KATNAL1: variants seen among roughly 807,000 people sequenced by gnomAD.
KATNAL1 encodes the protein katanin catalytic subunit A1 like 1, also known as katanin p60 ATPase-containing subunit A-like 1.
Under a neutral mutation model 55.2 loss-of-function variants are expected in KATNAL1, and 32 were observed. That is an observed-to-expected ratio of 0.58 (90% CI 0.44 to 0.78). The LOEUF (loss-of-function observed/expected upper bound fraction) is 0.78. KATNAL1 is among the 30% of genes least tolerant of loss of function. KATNAL1 has a pLI of 0.00. For missense variants in KATNAL1, 466 were observed against 600.9 expected, an observed-to-expected ratio of 0.78 and a Z score of 2.35; for synonymous variants, 193 against 193.6, an observed-to-expected ratio of 1.00 and a Z score of 0.02.
chr13:30,264,240 G>A (rs1207129577), intron 3 of KATNAL1, among the ~76,000 whole-genome samples: 7 of 148,930 alleles, frequency 4.7e-5, no homozygotes, highest in Non-Finnish European at 1.5e-5. Flanking sequence ...ATGGATTAAA[G>A]ACTTAAATGT....
At chr13:30,277,258 A>G (rs1375808406) in intron 3 of KATNAL1, among the ~76,000 whole-genome samples, 3 of 152,216 alleles carry the variant, frequency 2.0e-5, no homozygotes, top group African/African-American at 4.8e-5. Flanking sequence ...GTAGTCCTTT[A>G]TTTCAGAGGT....
At chr13:30,220,439 C>A (rs1874732182) in intron 9 of KATNAL1, among the ~76,000 whole-genome samples, 1 of 151,754 alleles carries the variant, frequency 6.6e-6, no homozygotes, top group Non-Finnish European at 1.5e-5. Flanking sequence ...CCAACCTGGG[C>A]AACAGAGCAA....
At chr13:30,274,495 G>T (rs979595923) in intron 3 of KATNAL1, among the ~76,000 whole-genome samples, 1 of 152,042 alleles carries the variant, frequency 6.6e-6, no homozygotes, top group Non-Finnish European at 1.5e-5. Flanking sequence ...ATTGCCCTTG[G>T]TTCTTGAGAA....
At chr13:30,296,596 A>G (rs1882513116) in intron 1 of KATNAL1, 1 of 723,654 alleles carries the variant, frequency 1.4e-6, no homozygotes, top group Non-Finnish European at 2.6e-6. Context: ...CGCTCATTGG[A>G]TGAGGCTCTG....
intron 9 of KATNAL1, among the ~76,000 whole-genome samples, chr13:30,222,727 G>C (rs1331452635): frequency 6.6e-6 from 1 of 152,178 alleles, no homozygotes; most frequent in Non-Finnish European, 1.5e-5. Context: ...AGTACAAATA[G>C]CAAGATGGCA....
intron 1 of KATNAL1, among the ~76,000 whole-genome samples, chr13:30,301,110 G>A (rs760900640): frequency 2.0e-5 from 3 of 152,208 alleles, no homozygotes; most frequent in Non-Finnish European, 2.9e-5. Flanking sequence ...GCTCACGCCT[G>A]TAATCCCAGC....
rs1401686864 is a variant in KATNAL1 at position 30,206,389 on chromosome 13, C to T, written c.*2151G>A. 2 of 151,978 alleles carry T rather than the reference C, an allele frequency of 1.3e-5. No individual in the cohort carries two copies. Among genetic ancestry groups the T allele is most frequent in the African/African-American group, 2.4e-5 (1 of 41,370 alleles). The allele number at this position is 151,978 out of a possible 1,614,324, so 9.4% of individuals were successfully genotyped here. The stretch of plus-strand genomic sequence containing the variant: ...TAAGATATACAAAGCATCTACCATC[C>T]ACTGACAGGGCAAAATGAGAAACAA... On this transcript the variant is annotated 3_prime_UTR_variant, in exon 11 of 11. Coordinates refer to ENST00000380615, the MANE Select transcript of KATNAL1 (RefSeq NM_032116.5).
intron 7 of KATNAL1, among the ~76,000 whole-genome samples, chr13:30,230,834 G>C (rs1876027817): frequency 6.6e-6 from 1 of 152,076 alleles, no homozygotes; most frequent in South Asian, 2.1e-4. Context: ...ATTGTACTAT[G>C]CTTTCTACTT....
At chr13:30,216,143 C>T (rs1005149838) in intron 9 of KATNAL1, among the ~76,000 whole-genome samples, 1 of 152,050 alleles carries the variant, frequency 6.6e-6, no homozygotes, top group Admixed American at 6.5e-5. Flanking sequence ...CAAATGAACA[C>T]AATCAGTATG....
chr13:30,264,852 A>C (rs1450986468), intron 3 of KATNAL1, among the ~76,000 whole-genome samples: 2 of 133,902 alleles, frequency 1.5e-5, no homozygotes, highest in Non-Finnish European at 3.2e-5. Flanking sequence ...ATACCATTTG[A>C]CCCAGCCATC....
At chr13:30,296,182 C>T in intron 1 of KATNAL1, 1 of 644,802 alleles carries the variant, frequency 1.6e-6, no homozygotes, top group Non-Finnish European at 2.7e-6. Flanking sequence ...GAAAGCCTGC[C>T]CCTAACTTCA....
intron 1 of KATNAL1, among the ~76,000 whole-genome samples, chr13:30,304,720 C>A (rs1236727394): frequency 6.6e-6 from 1 of 152,166 alleles, no homozygotes; most frequent in Non-Finnish European, 1.5e-5. Flanking sequence ...TCTCTGAACT[C>A]CAGACTAAAA....
chr13:30,292,275 A>G (rs1440578569), intron 1 of KATNAL1, among the ~76,000 whole-genome samples: 2 of 152,194 alleles, frequency 1.3e-5, no homozygotes, highest in African/African-American at 4.8e-5. Flanking sequence ...CCCTTACTTC[A>G]CATCACATAC....
At chr13:30,304,690 C>T (rs913640339) in intron 1 of KATNAL1, among the ~76,000 whole-genome samples, 1 of 152,138 alleles carries the variant, frequency 6.6e-6, no homozygotes, top group Non-Finnish European at 1.5e-5. Context: ...TATATGCAAA[C>T]TTCTAACTCC....
chr13:30,303,105 T>C (rs1371188724), intron 1 of KATNAL1, among the ~76,000 whole-genome samples: 1 of 152,228 alleles, frequency 6.6e-6, no homozygotes, highest in African/African-American at 2.4e-5. Flanking sequence ...TAGGAGCTTT[T>C]ACAATTACTA....
At chr13:30,282,893 T>C (rs149809195) in intron 2 of KATNAL1, among the ~76,000 whole-genome samples, 3,451 of 143,106 alleles carry the variant, frequency 0.024, 128 homozygotes, top group African/African-American at 0.084. Flanking sequence ...AGGTGGAGCT[T>C]ACAGTGAGCC....
chr13:30,296,632 C>G (rs1262411154), intron 1 of KATNAL1: 3 of 694,136 alleles, frequency 4.3e-6, no homozygotes, highest in Non-Finnish European at 5.4e-6. Context: ...ATCCAGTACA[C>G]GGACGAGCAC....
At chr13:30,214,770 A>G (rs1320251607) in intron 9 of KATNAL1, among the ~76,000 whole-genome samples, 3 of 152,034 alleles carry the variant, frequency 2.0e-5, no homozygotes, top group African/African-American at 7.3e-5. Context: ...ACAAAAATTA[A>G]TTCAAGATGG....
chr13:30,252,207 C>T (rs1252774627), intron 4 of KATNAL1, among the ~76,000 whole-genome samples: 5 of 152,152 alleles, frequency 3.3e-5, no homozygotes, highest in African/African-American at 1.2e-4. Context: ...ATGCTGAGCT[C>T]ACAGGATTAT....
Sources: allele counts gnomAD v4.1 joint callset (sites outside exome capture counted in the v4.1 genomes callset), GRCh38; gene constraint gnomAD v4.1.1; transcripts MANE v1.5; gene names NCBI Gene and HGNC (gene_info 2026-07-23, HGNC 2026-07-21).